The following PEX5L variants were observed in gnomAD, a reference collection of about 807,000 sequenced individuals.
The protein encoded by PEX5L is PEX5-related protein.
A neutral mutation model predicts 84.0 loss-of-function variants in PEX5L; 30 were observed. The observed-to-expected ratio is 0.36, with a 90% CI of 0.27 to 0.48. The LOEUF (loss-of-function observed/expected upper bound fraction) is 0.48, where lower values mean the gene tolerates loss of function less well. Among genes scored for constraint, PEX5L ranks in the 20% least tolerant of loss-of-function variants. The probability of loss-of-function intolerance (pLI) is 0.99; values close to 1 mark genes in which losing one functional copy is unlikely to be tolerated. For missense variants in PEX5L, 533 were observed against 754.6 expected, an observed-to-expected ratio of 0.71 and a Z score of 3.44; for synonymous variants, 270 against 283.1, an observed-to-expected ratio of 0.95 and a Z score of 0.46.
At chr3:179,820,806 G>A (rs1257044159) in intron 8 of PEX5L, among the ~76,000 whole-genome samples, 2 of 152,184 alleles carry the variant, frequency 1.3e-5, no homozygotes, top group African/African-American at 4.8e-5. Context: ...AGAGTTCTTT[G>A]GGTGGCCCAA....
chr3:179,999,764 C>T (rs1414112023), intron 1 of PEX5L, among the ~76,000 whole-genome samples: 5 of 152,222 alleles, frequency 3.3e-5, no homozygotes, highest in African/African-American at 1.2e-4. Context: ...AAGTCACTCG[C>T]TTTATGGCTA....
intron 7 of PEX5L, among the ~76,000 whole-genome samples, chr3:179,864,976 C>A (rs139500850): frequency 1.3e-5 from 2 of 152,142 alleles, no homozygotes; most frequent in Admixed American, 6.6e-5. Context: ...TACAACCTCA[C>A]TTTCCTGTGA....
intron 2 of PEX5L, among the ~76,000 whole-genome samples, chr3:179,929,689 T>C (rs1560762702): frequency 6.6e-6 from 1 of 152,184 alleles, no homozygotes; most frequent in Non-Finnish European, 1.5e-5. Context: ...GATCAGTTCC[T>C]GCCTAATGCC....
intron 8 of PEX5L, among the ~76,000 whole-genome samples, chr3:179,832,638 A>G: frequency 6.6e-6 from 1 of 150,680 alleles, no homozygotes; most frequent in Admixed American, 6.6e-5. Context: ...CTACTTACTT[A>G]CCTACCCCCT....
At chr3:179,854,368 A>G (rs1185809596) in intron 8 of PEX5L, among the ~76,000 whole-genome samples, 1 of 152,080 alleles carries the variant, frequency 6.6e-6, no homozygotes, top group Admixed American at 6.5e-5. Context: ...CCAAAAACTT[A>G]GTCGATTTGC....
At position 179,857,118 on chromosome 3, in the gene PEX5L, G is replaced by T. The variant is rs373327757; in HGVS notation, c.822+1944C>A. ...CCTTCTAGGATTTTGTAACTGGAAAGGATCATAGAGGCATGGAAACTGAGG... is the reference window on the plus strand; with the variant it reads ...CCTTCTAGGATTTTGTAACTGGAAATGATCATAGAGGCATGGAAACTGAGG... On this transcript the variant is annotated intron_variant, in intron 8 of 14. Transcript: ENST00000467460. Among the ~76,000 whole-genome samples the T allele has an allele frequency of 2.0e-5, 3 of 152,192 alleles. No individual in the cohort carries two copies. The East Asian group carries it at 5.8e-4, about 29-fold the overall frequency.
chr3:180,032,812 C>T (rs571593245), intron 1 of PEX5L, among the ~76,000 whole-genome samples: 3 of 152,224 alleles, frequency 2.0e-5, no homozygotes, highest in Non-Finnish European at 4.4e-5. Flanking sequence ...CGAGATTGGG[C>T]CACTGCACTC....
intron 11 of PEX5L, among the ~76,000 whole-genome samples, chr3:179,811,309 T>C (rs1723751037): frequency 6.6e-6 from 1 of 151,822 alleles, no homozygotes; most frequent in Non-Finnish European, 1.5e-5. Context: ...GCACTCAAAA[T>C]AAAAGGTAGG....
chr3:179,888,325 T>C (rs1485090904), intron 3 of PEX5L: 1 of 326,156 alleles, frequency 3.1e-6, no homozygotes, highest in Non-Finnish European at 6.1e-6. Context: ...GGAATGCTTT[T>C]GTATTACATA....
intron 1 of PEX5L, among the ~76,000 whole-genome samples, chr3:179,995,072 CAT>C (rs1246462884): frequency 6.8e-6 from 1 of 146,120 alleles, no homozygotes; most frequent in African/African-American, 2.5e-5. Flanking sequence ...ATATATATAG[CAT>C]AGAGAGTATA....
intron 2 of PEX5L, among the ~76,000 whole-genome samples, chr3:179,924,007 C>G (rs1366998955): frequency 6.6e-6 from 1 of 152,146 alleles, no homozygotes; most frequent in Non-Finnish European, 1.5e-5. Context: ...TCAGAGTGAG[C>G]AATGTACTTC....
At chr3:180,010,395 T>C (rs1426710241) in intron 1 of PEX5L, among the ~76,000 whole-genome samples, 3 of 151,910 alleles carry the variant, frequency 2.0e-5, no homozygotes, top group Non-Finnish European at 4.4e-5. Context: ...GGGAGGGTGC[T>C]AGTGGCATCT....
rs1038968803 is a variant in PEX5L, at chr3:179,831,398, C to T, written c.823-11422G>A. ...GATAGATTTTTTAAAAATATGGAAC[C>T]TCTTTGAAGTAATTCATAAAATTTG... On this transcript the variant is annotated intron_variant, in intron 8 of 14. Transcript: ENST00000467460. 9.9e-5 allele frequency among the ~76,000 whole-genome samples: 15 copies of T among 151,902 alleles called. No homozygotes were observed. The East Asian group carries it at 2.9e-3, about 29-fold the overall frequency.
chr3:179,851,924 G>T (rs1213965584), intron 8 of PEX5L, among the ~76,000 whole-genome samples: 1 of 152,196 alleles, frequency 6.6e-6, no homozygotes, highest in Non-Finnish European at 1.5e-5. Context: ...TGAATACATT[G>T]TTTCTGTGCT....
intron 2 of PEX5L, among the ~76,000 whole-genome samples, chr3:179,915,678 C>T (rs1001032845): frequency 2.6e-5 from 4 of 152,124 alleles, no homozygotes; most frequent in South Asian, 2.1e-4. Context: ...GCACAGGGAG[C>T]GTGTTTATAA....
chr3:179,859,683 T>C (rs2108538162), intron 7 of PEX5L, among the ~76,000 whole-genome samples: 1 of 152,384 alleles, frequency 6.6e-6, no homozygotes, highest in South Asian at 2.1e-4. Flanking sequence ...CTGCTTTCCC[T>C]CTGTTGGCAC....
intron 2 of PEX5L, among the ~76,000 whole-genome samples, chr3:179,903,112 T>A (rs1490554575): frequency 6.6e-6 from 1 of 152,230 alleles, no homozygotes; most frequent in Non-Finnish European, 1.5e-5. Context: ...TTAGGCTGAA[T>A]ATTTAAAGAA....
In PEX5L at chr3:179,952,090, T is replaced by C. The variant is rs77609669; in HGVS notation, c.93+19504A>G. Among the ~76,000 whole-genome samples the C allele has an allele frequency of 7.9e-5, 12 of 152,340 alleles. No homozygotes were observed. The East Asian group carries it at 1.3e-3, about 17-fold the overall frequency. On this transcript the variant is annotated intron_variant, in intron 2 of 14. Transcript: ENST00000467460. Reference sequence around the variant, plus strand: ...CAAAAGTAATGCTTGCTTCTGCTACTATACTTTGCTTATATTATAGATTTG... The same window carrying C: ...CAAAAGTAATGCTTGCTTCTGCTACCATACTTTGCTTATATTATAGATTTG...
At chr3:179,827,262 A>G (rs952609078) in intron 8 of PEX5L, among the ~76,000 whole-genome samples, 1 of 152,214 alleles carries the variant, frequency 6.6e-6, no homozygotes, top group African/African-American at 2.4e-5. Flanking sequence ...AAAAGGTGAT[A>G]CAGTTTCTGC....
Sources: gnomAD v4.1 joint callset for allele counts (sites outside exome capture counted in the v4.1 genomes callset) on GRCh38, gnomAD v4.1.1 for gene constraint, MANE v1.5 for transcripts, NCBI Gene and HGNC (gene_info 2026-07-23, HGNC 2026-07-21) for gene names.